PDE4D: variants seen among roughly 807,000 people sequenced by gnomAD.
PDE4D encodes phosphodiesterase 4D, also known as 3',5'-cyclic-AMP phosphodiesterase 4D.
In PDE4D, 24 loss-of-function variants were observed where a neutral mutation model predicts 87.4. That is an observed-to-expected ratio of 0.27 (90% CI 0.20 to 0.39). The LOEUF is 0.39. PDE4D is among the 10% of genes least tolerant of loss of function. PDE4D has a pLI of 1.00. For synonymous variants in PDE4D, 384 were observed against 383.2 expected (o/e 1.00, Z -0.02); for missense variants, 714 against 1,041.0 (o/e 0.69, Z 4.32).
chr5:60,482,161 G>A (rs751352945), intron 1 of PDE4D, among the ~76,000 whole-genome samples: 4 of 151,964 alleles, frequency 2.6e-5, no homozygotes, highest in Non-Finnish European at 5.9e-5. Flanking sequence ...AATGGGGTTC[G>A]TGCCTTTACA....
chr5:60,026,981 C>T (rs769327300), intron 2 of PDE4D, among the ~76,000 whole-genome samples: 15 of 152,220 alleles, frequency 9.9e-5, no homozygotes, highest in African/African-American at 3.4e-4. Context: ...ACTGTATCCT[C>T]GTTGTTATTC....
At chr5:59,832,933 A>C (rs2152699650) in intron 1 of PDE4D, among the ~76,000 whole-genome samples, 1 of 152,162 alleles carries the variant, frequency 6.6e-6, no homozygotes, top group East Asian at 1.9e-4. Flanking sequence ...CATTCGTTGA[A>C]GCAGAGATGG....
chr5:59,843,940 T>C (rs1320041212), intron 1 of PDE4D, among the ~76,000 whole-genome samples: 1 of 152,132 alleles, frequency 6.6e-6, no homozygotes, highest in East Asian at 1.9e-4. Context: ...ATTGCTTTAA[T>C]GCCTCCATAA....
intron 1 of PDE4D, among the ~76,000 whole-genome samples, chr5:60,341,607 C>G (rs910118976): frequency 2.0e-5 from 3 of 151,852 alleles, no homozygotes; most frequent in African/African-American, 4.8e-5. Flanking sequence ...ACTCCAAACA[C>G]AGCACCTTTC....
chr5:60,158,423 C>T (rs1426633304), intron 2 of PDE4D, among the ~76,000 whole-genome samples: 3 of 152,054 alleles, frequency 2.0e-5, no homozygotes, highest in East Asian at 3.9e-4. Flanking sequence ...GTAGAAAACA[C>T]CTACCGTGAA....
intron 5 of PDE4D, among the ~76,000 whole-genome samples, chr5:59,045,291 C>G (rs920916937): frequency 6.6e-6 from 1 of 152,140 alleles, no homozygotes; most frequent in South Asian, 2.1e-4. Flanking sequence ...TGGTGGCTCA[C>G]GCCTGTAATC....
At chr5:59,759,904 G>C (rs1431493051) in intron 1 of PDE4D, among the ~76,000 whole-genome samples, 3 of 152,186 alleles carry the variant, frequency 2.0e-5, no homozygotes, top group Non-Finnish European at 2.9e-5. Flanking sequence ...ATAAGAGACA[G>C]AGAAAAGATA....
At chr5:60,379,247 T>C (rs1761675991) in intron 1 of PDE4D, among the ~76,000 whole-genome samples, 1 of 152,192 alleles carries the variant, frequency 6.6e-6, no homozygotes, top group Non-Finnish European at 1.5e-5. Flanking sequence ...GGCTATTTGC[T>C]GCATTGCCAG....
At chr5:60,329,767 G>A (rs781690087) in intron 1 of PDE4D, among the ~76,000 whole-genome samples, 10 of 152,122 alleles carry the variant, frequency 6.6e-5, no homozygotes, top group Non-Finnish European at 1.3e-4. Flanking sequence ...GCCCACTCTC[G>A]GTGAAAATAT....
chr5:59,427,640 C>T (rs1017934871), intron 1 of PDE4D, among the ~76,000 whole-genome samples: 1 of 151,846 alleles, frequency 6.6e-6, no homozygotes, highest in African/African-American at 2.4e-5. Flanking sequence ...TTGAGAAGAG[C>T]CTGGGCAACA....
chr5:59,960,529 A>G (rs956068969), intron 3 of PDE4D, among the ~76,000 whole-genome samples: 1 of 152,240 alleles, frequency 6.6e-6, no homozygotes, highest in African/African-American at 2.4e-5. Flanking sequence ...AGCCACAAGA[A>G]AAAACAAAAT....
At chr5:60,397,725 A>T (rs556279869) in intron 1 of PDE4D, among the ~76,000 whole-genome samples, 77 of 152,360 alleles carry the variant, frequency 5.1e-4, no homozygotes, top group African/African-American at 1.8e-3. Flanking sequence ...GGGATCTATT[A>T]CACAAGGTGT....
intron 1 of PDE4D, among the ~76,000 whole-genome samples, chr5:60,243,270 G>A (rs994957768): frequency 6.6e-6 from 1 of 151,774 alleles, no homozygotes; most frequent in Non-Finnish European, 1.5e-5. Flanking sequence ...GCTGAACCAG[G>A]AACAAATCCA....
At chr5:59,025,655 G>A (rs114166334) in intron 6 of PDE4D, among the ~76,000 whole-genome samples, 110 of 152,328 alleles carry the variant, frequency 7.2e-4, no homozygotes, top group African/African-American at 2.6e-3. Flanking sequence ...ATCTCTTTAA[G>A]ATGGCTTTAT....
At chr5:59,631,258 T>G (rs1831528222) in intron 1 of PDE4D, among the ~76,000 whole-genome samples, 1 of 152,102 alleles carries the variant, frequency 6.6e-6, no homozygotes, top group Non-Finnish European at 1.5e-5. Context: ...TTGCCCAAAG[T>G]TCCCCAGCTA....
At chr5:59,245,060 A>G (rs1340333975) in intron 1 of PDE4D, among the ~76,000 whole-genome samples, 2 of 152,136 alleles carry the variant, frequency 1.3e-5, no homozygotes, top group African/African-American at 4.8e-5. Context: ...AACTACTTTT[A>G]GAAATGCATT....
intron 1 of PDE4D, among the ~76,000 whole-genome samples, chr5:59,260,261 A>G (rs1761750723): frequency 6.6e-6 from 1 of 151,868 alleles, no homozygotes; most frequent in African/African-American, 2.4e-5. Context: ...TTAGTATTCA[A>G]TTAAGACTTG....
intron 1 of PDE4D, among the ~76,000 whole-genome samples, chr5:59,660,343 T>C (rs1745036408): frequency 1.3e-5 from 2 of 152,174 alleles, no homozygotes; most frequent in Admixed American, 1.3e-4. Flanking sequence ...TTGTAACCAT[T>C]TGGGCTTCAG....
chr5:60,228,371 C>T (rs1026841728), intron 1 of PDE4D, among the ~76,000 whole-genome samples: 2 of 152,182 alleles, frequency 1.3e-5, no homozygotes, highest in African/African-American at 4.8e-5. Flanking sequence ...GGAACTAGGT[C>T]TAACTAAATC....
Sources: gnomAD v4.1 joint callset for allele counts (sites outside exome capture counted in the v4.1 genomes callset) on GRCh38, gnomAD v4.1.1 for gene constraint, MANE v1.5 for transcripts, NCBI Gene and HGNC (gene_info 2026-07-23, HGNC 2026-07-21) for gene names.